LRFN2: variants seen among roughly 807,000 people sequenced by gnomAD.
LRFN2 encodes the protein leucine-rich repeat and fibronectin type-III domain-containing protein 2.
LRFN2 carries 18 observed loss-of-function variants against 37.3 expected under a neutral mutation model. That is an observed-to-expected ratio of 0.48 (90% CI 0.33 to 0.72). The LOEUF is 0.72. LRFN2 is among the 30% of genes least tolerant of loss of function. LRFN2 has a pLI of 0.02. For synonymous variants in LRFN2, 556 were observed against 466.6 expected (o/e 1.19, Z -2.47); for missense variants, 1,006 against 1,060.7 (o/e 0.95, Z 0.72).
At chr6:40,431,384 G>C (rs891303183) in intron 2 of LRFN2, among the ~76,000 whole-genome samples, 2 of 152,160 alleles carry the variant, frequency 1.3e-5, no homozygotes, top group African/African-American at 4.8e-5. Flanking sequence ...TCTATTCATT[G>C]TCCTTGTATA....
chr6:40,409,865 G>C (rs543383957), intron 2 of LRFN2, among the ~76,000 whole-genome samples: 1 of 152,134 alleles, frequency 6.6e-6, no homozygotes, highest in Non-Finnish European at 1.5e-5. Flanking sequence ...CTGGGCATCC[G>C]GCTGCTGAGT....
chr6:40,486,524 C>A (rs555390854), intron 1 of LRFN2, among the ~76,000 whole-genome samples: 9 of 151,930 alleles, frequency 5.9e-5, no homozygotes, highest in Non-Finnish European at 8.8e-5. Flanking sequence ...GGCATCTCAG[C>A]GGACCTGTGC....
At chr6:40,572,819 T>C (rs1767211123) in intron 1 of LRFN2, among the ~76,000 whole-genome samples, 2 of 152,200 alleles carry the variant, frequency 1.3e-5, no homozygotes, top group South Asian at 2.1e-4. Flanking sequence ...TGGGCTCCTA[T>C]AGTCAGCAGA....
intron 1 of LRFN2, among the ~76,000 whole-genome samples, chr6:40,495,020 C>T (rs567315187): frequency 1.3e-5 from 2 of 152,316 alleles, no homozygotes; most frequent in South Asian, 2.1e-4. Flanking sequence ...CACCTGCATC[C>T]ATCAGCTGAC....
chr6:40,555,340 T>C (rs1162853701), intron 1 of LRFN2, among the ~76,000 whole-genome samples: 1 of 152,094 alleles, frequency 6.6e-6, no homozygotes, highest in African/African-American at 2.4e-5. Context: ...GGGCCGGAGA[T>C]GAGCTCACCC....
intron 1 of LRFN2, among the ~76,000 whole-genome samples, chr6:40,480,747 G>C (rs1451746073): frequency 6.6e-6 from 1 of 152,148 alleles, no homozygotes; most frequent in Non-Finnish European, 1.5e-5. Flanking sequence ...TCCCTAGCCT[G>C]CAGGGAGGGT....
chr6:40,537,631 C>A (rs1392021917), intron 1 of LRFN2, among the ~76,000 whole-genome samples: 1 of 152,154 alleles, frequency 6.6e-6, no homozygotes, highest in African/African-American at 2.4e-5. Flanking sequence ...CTGAGCCAAA[C>A]CTAATGAGAC....
At chr6:40,416,868 G>A (rs1478858130) in intron 2 of LRFN2, among the ~76,000 whole-genome samples, 1 of 152,162 alleles carries the variant, frequency 6.6e-6, no homozygotes, top group African/African-American at 2.4e-5. Context: ...CTTTAATGGT[G>A]GAATTCCCGG....
intron 1 of LRFN2, among the ~76,000 whole-genome samples, chr6:40,548,266 C>G (rs1023297863): frequency 6.6e-6 from 1 of 152,022 alleles, no homozygotes; most frequent in African/African-American, 2.4e-5. Context: ...CTGGTGAAAC[C>G]CTGCCTCTAC....
At chr6:40,484,716 A>C (rs7757415) in intron 1 of LRFN2, among the ~76,000 whole-genome samples, 1 of 152,132 alleles carries the variant, frequency 6.6e-6, no homozygotes, top group African/African-American at 2.4e-5. Flanking sequence ...AGGCCTGTAC[A>C]GGAGCATGTC....
chr6:40,400,716 C>T (rs757548492), intron 2 of LRFN2, among the ~76,000 whole-genome samples: 19 of 151,812 alleles, frequency 1.3e-4, no homozygotes, highest in Admixed American at 2.0e-4. Context: ...CCAACACACC[C>T]GGCCTGGAGA....
chr6:40,526,868 C>T (rs1015901612), intron 1 of LRFN2, among the ~76,000 whole-genome samples: 8 of 152,190 alleles, frequency 5.3e-5, no homozygotes, highest in African/African-American at 1.7e-4. Flanking sequence ...ACCTGGGAGA[C>T]GGTGCAGCCA....
intron 2 of LRFN2, among the ~76,000 whole-genome samples, chr6:40,424,677 C>A (rs962842885): frequency 2.0e-5 from 3 of 152,182 alleles, no homozygotes; most frequent in African/African-American, 7.2e-5. Context: ...ACCCCTATTT[C>A]CTCCTCTATA....
At chr6:40,407,088 G>A (rs564169873) in intron 2 of LRFN2, among the ~76,000 whole-genome samples, 1 of 152,288 alleles carries the variant, frequency 6.6e-6, no homozygotes, top group East Asian at 1.9e-4. Context: ...CAGGACTGCT[G>A]TTAAGCCACA....
intron 1 of LRFN2, among the ~76,000 whole-genome samples, chr6:40,515,236 G>C (rs957031054): frequency 6.6e-6 from 1 of 152,182 alleles, no homozygotes; most frequent in African/African-American, 2.4e-5. Context: ...AGGGAGGCTG[G>C]CAGGGGAATG....
rs139353541 is a variant in LRFN2, at chr6:40,498,780, C to T, written c.-18-65649G>A. ...AGCTCACATTCTGGGGCACCATCCACGGAGAGGCACAGACACTTTGCCTCT... is the reference window on the plus strand; with the variant it reads ...AGCTCACATTCTGGGGCACCATCCATGGAGAGGCACAGACACTTTGCCTCT... On this transcript the variant is annotated intron_variant, in intron 1 of 2. Coordinates refer to ENST00000338305, the MANE Select transcript of LRFN2 (RefSeq NM_020737.3). Among the ~76,000 whole-genome samples the T allele has an allele frequency of 3.0e-3, 455 of 152,312 alleles. 2 individuals are homozygous for T. The highest frequency in any genetic ancestry group is 6.8e-3 in the Middle Eastern group (2 of 294).
At chr6:40,488,314 C>G (rs1189846527) in intron 1 of LRFN2, among the ~76,000 whole-genome samples, 1 of 152,060 alleles carries the variant, frequency 6.6e-6, no homozygotes, top group Non-Finnish European at 1.5e-5. Flanking sequence ...CCTTTCTTCT[C>G]CCACTCTGCT....
intron 1 of LRFN2, among the ~76,000 whole-genome samples, chr6:40,534,880 A>T (rs965704144): frequency 6.6e-6 from 1 of 152,068 alleles, no homozygotes; most frequent in Admixed American, 6.6e-5. Context: ...ATCTTAGAAA[A>T]TCCCTAGGCA....
chr6:40,392,450 G>A lies in LRFN2; in HGVS notation c.1863C>T (p.Ser621=). Residue 621 remains serine, a synonymous_variant, in exon 3 of 3, where the codon TCC becomes TCT. Transcript: ENST00000338305. This position sits in a 1 kb window ranked among gnomAD's most constrained non-coding sequence, Gnocchi z 4.7. ...CACTGCCCAGGGAGCTGGAGGAAGA[G>A]GAGTCACTGGCGCGGGCCAGGCTGG... ...FTASLARASD[S]SSSSSLGSGE... 1 of 1,567,400 alleles carries A rather than the reference G, an allele frequency of 6.4e-7. No individual in the cohort carries two copies. Among genetic ancestry groups the A allele is most frequent in the Non-Finnish European group, 8.6e-7 (1 of 1,156,088 alleles).
Sources: gnomAD v4.1 joint callset for allele counts (sites outside exome capture counted in the v4.1 genomes callset) on GRCh38, gnomAD v4.1.1 for gene constraint, Gnocchi (gnomAD v3.1) non-coding constraint, MANE v1.5 for transcripts, NCBI Gene and HGNC (gene_info 2026-07-23, HGNC 2026-07-21) for gene names.